RPS19BP1: variants seen among roughly 807,000 people sequenced by gnomAD.
The protein encoded by RPS19BP1 is ribosomal protein S19 binding protein 1.
Under a neutral mutation model 16.6 loss-of-function variants are expected in RPS19BP1, and 14 were observed. That is an observed-to-expected ratio of 0.84 (90% CI 0.56 to 1.32). The LOEUF (loss-of-function observed/expected upper bound fraction) is 1.32. Among genes scored for constraint, RPS19BP1 ranks in the 40% most tolerant of loss-of-function variants. RPS19BP1 has a pLI of 0.00. For synonymous variants in RPS19BP1, 90 were observed against 77.3 expected (o/e 1.16, Z -0.86); for missense variants, 188 against 178.6 (o/e 1.05, Z -0.30).
chr22:39,532,348 A>ACGC (rs1200765159), intron 2 of RPS19BP1, 47 bp downstream of exon 2: 3 of 1,613,048 alleles, frequency 1.9e-6, no homozygotes, highest in Non-Finnish European at 2.5e-6. Context: ...TCTGGGGCGC[A>ACGC]GGTCCCAGCA....
chr22:39,529,893 C>G lies in RPS19BP1; in HGVS notation c.206G>C (p.Arg69Pro), dbSNP rs201833692. 6.2e-7 allele frequency: 1 copy of G among 1,614,146 alleles called. No individual in the cohort carries two copies. Among genetic ancestry groups the G allele is most frequent in the Non-Finnish European group, 8.5e-7 (1 of 1,180,016 alleles). ...CTTCAGGTTTACTCTGAGGTGGTCTCGACACTCTCGCTTCCGGTACTCGTC... is the reference window on the plus strand; with the variant it reads ...CTTCAGGTTTACTCTGAGGTGGTCTGGACACTCTCGCTTCCGGTACTCGTC... ...ALDEYRKREC[R>P]DHLRVNLKFL... The change falls in exon 3 of 4, where the codon CGA (arginine) becomes CCA (proline). Residue 69 changes from arginine to proline, a missense_variant. Transcript: ENST00000334678.
rs374598872 is a variant in RPS19BP1, at chr22:39,529,643, G to T, written c.280-20C>A. On this transcript the variant is annotated intron_variant, in intron 3 of 3. Coordinates refer to ENST00000334678, the MANE Select transcript of RPS19BP1 (RefSeq NM_194326.4). ...CAAAATCTGGCGAGGGTGCGGGACC[G>T]AGGGCCCATCATTTCAAGAGCAGAG... 6 of 1,612,344 alleles carry T rather than the reference G, an allele frequency of 3.7e-6. No homozygotes were observed. In the Middle Eastern group the frequency reaches 4.9e-4, roughly 133 times the overall value.
chr22:39,532,493 G>A lies in RPS19BP1; in HGVS notation c.83C>T (p.Pro28Leu), dbSNP rs781025191. ...GGGCCGTTTCACCGGAGCCCCTCTC[G>A]GCTTGGCCTGACCTGGAGGGTCCCG... ...APRDPPGQAKPRGAPVKRPRK... is the reference protein window; with the variant it reads ...APRDPPGQAKLRGAPVKRPRK... The change falls in exon 2 of 4, where the codon CCG (proline) becomes CTG (leucine). Residue 28 changes from proline (P) to leucine (L), a missense_variant. Physicochemically the swap from Pro to Leu is moderately conservative, Grantham distance 98. Transcript: ENST00000334678. 6.2e-7 allele frequency: 1 copy of A among 1,614,162 alleles called. No homozygotes were observed. The highest frequency in any genetic ancestry group is 1.7e-5 in the Admixed American group (1 of 60,032).
At chr22:39,529,682 G>A (rs1023719875) in intron 3 of RPS19BP1, 59 bp from the exon 4 acceptor site, 5 of 1,606,532 alleles carry the variant, frequency 3.1e-6, no homozygotes, top group Non-Finnish European at 3.4e-6. Flanking sequence ...GCCCGCAAAG[G>A]TCACAGGGGA....
intron 2 of RPS19BP1, chr22:39,532,184 G>A (rs1931328311): frequency 1.7e-6 from 1 of 596,224 alleles, no homozygotes. Flanking sequence ...ATTCTTTGAT[G>A]CTTCTCTCCC....
Position 39,529,870 on chromosome 22 carries a change from T to C in RPS19BP1, c.229A>G (p.Lys77Glu). ...GTGCTTCTCGTCCTGGTCAGAAACT[T>C]CAGGTTTACTCTGAGGTGGTCTCGA... is the stretch of plus-strand genomic sequence containing the variant. The part of the protein sequence containing the change: ...ECRDHLRVNL[K>E]FLTRTRSTVA... The change falls in exon 3 of 4, where the codon AAG (lysine) becomes GAG (glutamate). Residue 77 changes from lysine (K) to glutamate (E), a missense_variant. Coordinates refer to ENST00000334678, the MANE Select transcript of RPS19BP1 (RefSeq NM_194326.4). 1 of 1,614,170 alleles carries C rather than the reference T, an allele frequency of 6.2e-7. No individual in the cohort carries two copies. The highest frequency in any genetic ancestry group is 8.5e-7 in the Non-Finnish European group (1 of 1,180,020).
intron 2 of RPS19BP1, chr22:39,530,167 C>T (rs929874181): frequency 8.2e-6 from 4 of 489,462 alleles, no homozygotes; most frequent in African/African-American, 2.0e-5. Context: ...CTGGAGCTTT[C>T]GCTTCAGTGA....
At chr22:39,532,298 C>G (rs991087642) in intron 2 of RPS19BP1, 97 bp downstream of exon 2, 35 of 1,566,954 alleles carry the variant, frequency 2.2e-5, no homozygotes, top group Non-Finnish European at 3.0e-5. Flanking sequence ...TCTAGCAATA[C>G]CGGGCGAACG....
At chr22:39,529,748 C>A in intron 3 of RPS19BP1, 72 bp downstream of exon 3, 1 of 1,595,156 alleles carries the variant, frequency 6.3e-7, no homozygotes, top group South Asian at 1.1e-5. Flanking sequence ...GGGCTGAGAC[C>A]GCCATGGGTC....
At chr22:39,532,263 C>A (rs1482921191) in intron 2 of RPS19BP1, 132 bp downstream of exon 2, 1 of 1,346,812 alleles carries the variant, frequency 7.4e-7, no homozygotes, top group Non-Finnish European at 1.0e-6. Context: ...TCCAGGGCCC[C>A]GCTCCGCGCC....
At chr22:39,529,989 G>T in intron 2 of RPS19BP1, 72 bp from the exon 3 acceptor site, 1 of 1,287,282 alleles carries the variant, frequency 7.8e-7, no homozygotes, top group Non-Finnish European at 1.1e-6. Context: ...CCTGGCCCAT[G>T]GCCCTGCCAA....
chr22:39,531,659 G>A (rs1931312302), intron 2 of RPS19BP1: 1 of 152,264 alleles, frequency 6.6e-6, no homozygotes, highest in Non-Finnish European at 1.5e-5. Flanking sequence ...CACTGCCCAG[G>A]CCACAGCATG....
rs1483050895 is a variant in RPS19BP1, at chr22:39,532,746, C to T, written c.-8G>A. ...CAGCAGGGCGGCGGACATGGCGGCG[C>T]TTGGCTCCGCCCACGAGCCTCACAC... On this transcript the variant is annotated 5_prime_UTR_variant, in exon 1 of 4. Transcript: ENST00000334678. The T allele has an allele frequency of 6.5e-7, 1 of 1,540,236 alleles. No homozygotes were observed. The highest frequency in any genetic ancestry group is 8.7e-7 in the Non-Finnish European group (1 of 1,145,578).
At chr22:39,532,326 A>T in intron 2 of RPS19BP1, 69 bp downstream of exon 2, 1 of 1,608,802 alleles carries the variant, frequency 6.2e-7, no homozygotes, top group Non-Finnish European at 8.5e-7. Flanking sequence ...CCCTGCCTCA[A>T]GCGCCACCTC....
In RPS19BP1 at chr22:39,529,483, C is replaced by CGGTT; in HGVS notation, c.*8_*9insAACC. ...CTTGAAGGCCTCTTCACCGTGCCCT[C>CGGTT]CAGGGAGCCTAGCTGCCGAAGTATT... On this transcript the variant is annotated 3_prime_UTR_variant, in exon 4 of 4. Transcript: ENST00000334678. 6.2e-7 allele frequency: 1 copy of CGGTT among 1,614,064 alleles called. No individual in the cohort carries two copies. The highest frequency in any genetic ancestry group is 8.5e-7 in the Non-Finnish European group (1 of 1,179,974).
intron 2 of RPS19BP1, chr22:39,531,325 T>G (rs1483573760): frequency 6.6e-6 from 1 of 152,260 alleles, no homozygotes; most frequent in Non-Finnish European, 1.5e-5. Context: ...CTCCAGACTT[T>G]GGCTTAAGTT....
In RPS19BP1 at chr22:39,529,235, T is replaced by A. The variant is rs549484958; in HGVS notation, c.*257A>T. ...CCTGGGCAAAAGCAAACAAAACAGA[T>A]ACGTTCCTTTCCGGCAGGTGCAGAT... On this transcript the variant is annotated 3_prime_UTR_variant, in exon 4 of 4. Transcript: ENST00000334678. The A allele has an allele frequency of 1.7e-5, 9 of 529,804 alleles. No homozygotes were observed. In the Admixed American group the frequency reaches 2.6e-4, roughly 16 times the overall value. 32.8% of individuals were successfully genotyped at this position (529,804 alleles called of 1,614,324 possible).
In RPS19BP1 at chr22:39,532,695, G is replaced by T; in HGVS notation, c.44C>A (p.Ala15Glu). The T allele has an allele frequency of 5.2e-6, 8 of 1,542,948 alleles. No individual in the cohort carries two copies. Among genetic ancestry groups the T allele is most frequent in the Non-Finnish European group, 7.0e-6 (8 of 1,147,412 alleles). The change falls in exon 1 of 4, where the codon GCG (alanine) becomes GAG (glutamate). Residue 15 changes from alanine (A) to glutamate (E), a missense_variant. By Grantham distance (107) the Ala-to-Glu change is moderately radical (BLOSUM62 -1). Transcript: ENST00000334678. ...TGGCCAGCCCTCCTCACCCTCGGAC[G>T]CCGCCAGCAGCTCCAGGCCCCGCCG... ...LLRRGLELLA[A>E]SEAPRDPPGQ...
Position 39,529,373 on chromosome 22 carries a change from C to G in RPS19BP1, c.*119G>C. The G allele has an allele frequency of 7.2e-7, 1 of 1,392,258 alleles. No individual in the cohort carries two copies. Among genetic ancestry groups the G allele is most frequent in the Non-Finnish European group, 9.7e-7 (1 of 1,026,458 alleles). The allele number at this position is 1,392,258 out of a possible 1,614,324, so 86.2% of individuals were successfully genotyped here. ...ACTCGGCTCAGCTCCGCGGCTTCCT[C>G]GAGCCAGGCTGGTCCTGCATCGCCA... On this transcript the variant is annotated 3_prime_UTR_variant, in exon 4 of 4. Transcript: ENST00000334678.
Sources: allele counts gnomAD v4.1 joint callset, GRCh38; gene constraint gnomAD v4.1.1; transcripts MANE v1.5; gene names NCBI Gene and HGNC (gene_info 2026-07-23, HGNC 2026-07-21).